The following ABAT variants were observed in gnomAD, a reference collection of about 807,000 sequenced individuals.
ABAT encodes the protein 4-aminobutyrate aminotransferase, also known as 4-aminobutyrate aminotransferase, mitochondrial.
ABAT carries 45 observed loss-of-function variants against 64.6 expected under a neutral mutation model. The ratio of observed to expected loss-of-function variants is 0.70; its 90% CI spans 0.55 to 0.89. The LOEUF (loss-of-function observed/expected upper bound fraction) is 0.89. Ranked by LOEUF, ABAT falls within the 40% of genes least tolerant of loss-of-function variation. The pLI, the probability that ABAT is intolerant of heterozygous loss-of-function variation, is 0.00. For synonymous variants in ABAT, 297 were observed against 250.5 expected (o/e 1.19, Z -1.75); for missense variants, 633 against 658.4 (o/e 0.96, Z 0.42).
intron 1 of ABAT, among the ~76,000 whole-genome samples, chr16:8,698,772 C>T (rs2142011306): frequency 6.6e-6 from 1 of 152,002 alleles, no homozygotes; most frequent in East Asian, 2.0e-4. Context: ...TGATGAAACC[C>T]ATCTCTACAA....
At chr16:8,719,821 C>A (rs146683671) in intron 1 of ABAT, among the ~76,000 whole-genome samples, 22 of 152,254 alleles carry the variant, frequency 1.4e-4, no homozygotes, top group African/African-American at 5.3e-4. Context: ...TACTCGTTTA[C>A]TTATTTTTGA....
At chr16:8,704,128 G>A (rs747239165) in intron 1 of ABAT, among the ~76,000 whole-genome samples, 3 of 152,174 alleles carry the variant, frequency 2.0e-5, no homozygotes, top group Non-Finnish European at 4.4e-5. Context: ...CTCCCTGAAT[G>A]TGCTGACCTA....
chr16:8,753,463 G>A (rs72770135), intron 5 of ABAT, among the ~76,000 whole-genome samples: 1 of 152,276 alleles, frequency 6.6e-6, no homozygotes, highest in Non-Finnish European at 1.5e-5. Context: ...AAATGTGGGG[G>A]TCCCACAGCA....
chr16:8,752,037 G>A (rs2059502261), intron 5 of ABAT, among the ~76,000 whole-genome samples: 1 of 151,826 alleles, frequency 6.6e-6, no homozygotes, highest in Non-Finnish European at 1.5e-5. Context: ...AGAGCCCGGG[G>A]CATCCTCCGC....
At chr16:8,744,804 G>A (rs901384914) in intron 2 of ABAT, among the ~76,000 whole-genome samples, 2 of 151,936 alleles carry the variant, frequency 1.3e-5, no homozygotes, top group Admixed American at 1.3e-4. Context: ...GGAAGCAGAT[G>A]TTGCAGTGAG....
At position 8,747,219 on chromosome 16, in the gene ABAT, A is replaced by G. The variant is rs538075383; in HGVS notation, c.169-889A>G. Among the ~76,000 whole-genome samples, 748 of 152,294 alleles carry G rather than the reference A, an allele frequency of 4.9e-3. 7 individuals are homozygous for G. The highest frequency in any genetic ancestry group is 0.017 in the African/African-American group (693 of 41,560). On this transcript the variant is annotated intron_variant, in intron 3 of 15. Transcript: ENST00000268251. ...CAAACAACAGTGAAAGAACATGGCA[A>G]TGTTACATGGCACAGGGCTCAGAGA... is the stretch of plus-strand genomic sequence containing the variant.
chr16:8,768,122 C>T (rs1157773111), intron 9 of ABAT, 71 bp from the exon 10 acceptor site: 2 of 1,502,130 alleles, frequency 1.3e-6, no homozygotes, highest in East Asian at 2.3e-5. Context: ...TCCCTCTGGA[C>T]TTGCAGGGGC....
chr16:8,719,839 T>C (rs989169412), intron 1 of ABAT, among the ~76,000 whole-genome samples: 1 of 152,132 alleles, frequency 6.6e-6, no homozygotes, highest in African/African-American at 2.4e-5. Context: ...TGAGATGGAG[T>C]TTCACTCTTG....
chr16:8,729,086 T>G (rs3095513), intron 1 of ABAT, among the ~76,000 whole-genome samples: 1 of 151,548 alleles, frequency 6.6e-6, no homozygotes, highest in Non-Finnish European at 1.5e-5. Flanking sequence ...GCAGGCAGAT[T>G]ACTTGAGCTC....
chr16:8,754,801 C>T (rs542555039), intron 5 of ABAT, among the ~76,000 whole-genome samples: 2 of 151,900 alleles, frequency 1.3e-5, no homozygotes, highest in South Asian at 2.1e-4. Flanking sequence ...TCACTACAAC[C>T]TCTGCCCCCC....
rs751971295 is a variant in ABAT, at chr16:8,776,497, C to T, written c.1269+7C>T. On this transcript the variant is annotated splice_region_variant and intron_variant, in intron 14 of 15. Transcript: ENST00000268251. The surrounding 1 kb of genome is among the most constrained non-coding windows in gnomAD (Gnocchi z 4.4). Reference sequence around the variant, plus strand: ...AGGACTGCTGGACCTCCAGGTAACACCCCCTCCCCTGCCCCGCCCCCACCA... The same window carrying T: ...AGGACTGCTGGACCTCCAGGTAACATCCCCTCCCCTGCCCCGCCCCCACCA... 97 of 1,607,518 alleles carry T rather than the reference C, an allele frequency of 6.0e-5. No individual in the cohort carries two copies. The highest frequency in any genetic ancestry group is 1.9e-4 in the South Asian group (17 of 90,006).
At chr16:8,700,911 CTTT>C (rs1174749864) in intron 1 of ABAT, among the ~76,000 whole-genome samples, 9 of 131,536 alleles carry the variant, frequency 6.8e-5, no homozygotes, top group Admixed American at 7.8e-5. Context: ...GGCCTTAATT[CTTT>C]TTTTTTTTTT....
At chr16:8,734,506 C>A (rs886875015) in intron 1 of ABAT, among the ~76,000 whole-genome samples, 1 of 152,182 alleles carries the variant, frequency 6.6e-6, no homozygotes, top group African/African-American at 2.4e-5. Context: ...TTCAGATCCA[C>A]CACTTAACCT....
At chr16:8,692,070 G>A (rs1174106091) in intron 1 of ABAT, among the ~76,000 whole-genome samples, 3 of 152,120 alleles carry the variant, frequency 2.0e-5, no homozygotes, top group Non-Finnish European at 4.4e-5. Flanking sequence ...GCAGGACCTG[G>A]GTTCCATGTT....
rs1003591619 is a variant in ABAT at position 8,783,977 on chromosome 16, T to C, written c.*2547T>C. On this transcript the variant is annotated 3_prime_UTR_variant, in exon 16 of 16. Transcript: ENST00000268251. Reference sequence around the variant, plus strand: ...ATAATGAGTTCCTGAGACATGCTCTTTTGGGGGCTGGGGCTTTAGCTAGAA... The same window carrying C: ...ATAATGAGTTCCTGAGACATGCTCTCTTGGGGGCTGGGGCTTTAGCTAGAA... 6.6e-6 allele frequency: 1 copy of C among 152,164 alleles called. No individual in the cohort carries two copies. Among genetic ancestry groups the C allele is most frequent in the Non-Finnish European group, 1.5e-5 (1 of 68,036 alleles). The allele number at this position is 152,164 out of a possible 1,614,324, so 9.4% of individuals were successfully genotyped here.
intron 1 of ABAT, among the ~76,000 whole-genome samples, chr16:8,724,275 T>G (rs1433207230): frequency 2.0e-5 from 3 of 151,982 alleles, no homozygotes; most frequent in Non-Finnish European, 2.9e-5. Context: ...CCTAAAAGAG[T>G]GCTTCCTGCT....
At chr16:8,739,421 G>A (rs1461981408) in intron 2 of ABAT, among the ~76,000 whole-genome samples, 4 of 152,256 alleles carry the variant, frequency 2.6e-5, no homozygotes, top group Non-Finnish European at 4.4e-5. Context: ...TGCATTAGAA[G>A]AAATGGTTCA....
intron 1 of ABAT, among the ~76,000 whole-genome samples, chr16:8,703,975 A>C (rs1045060262): frequency 6.6e-6 from 1 of 152,242 alleles, no homozygotes; most frequent in Non-Finnish European, 1.5e-5. Flanking sequence ...TACAGTCTGC[A>C]TCCCAGAGCA....
chr16:8,737,991 G>GAAAGAAAGAAAAA (rs55862439), intron 2 of ABAT, among the ~76,000 whole-genome samples: 1 of 14,962 alleles, frequency 6.7e-5, no homozygotes, highest in Admixed American at 9.3e-4. Context: ...GAAGGAAGGA[G>GAAAGAAAGAAAAA]GAAAGAAAGA....
Sources: gnomAD v4.1 joint callset for allele counts (sites outside exome capture counted in the v4.1 genomes callset) on GRCh38, gnomAD v4.1.1 for gene constraint, Gnocchi (gnomAD v3.1) non-coding constraint, MANE v1.5 for transcripts, NCBI Gene and HGNC (gene_info 2026-07-23, HGNC 2026-07-21) for gene names.